PGS1: variants seen among roughly 807,000 people sequenced by gnomAD.
PGS1 encodes the protein phosphatidylglycerophosphate synthase 1, also known as CDP-diacylglycerol--glycerol-3-phosphate 3-phosphatidyltransferase, mitochondrial.
A neutral mutation model predicts 58.3 loss-of-function variants in PGS1; 44 were observed. The ratio of observed to expected loss-of-function variants is 0.75; its 90% CI spans 0.59 to 0.97. PGS1 has a LOEUF of 0.97. PGS1 is among the 50% of genes least tolerant of loss of function. The probability of loss-of-function intolerance (pLI) is 0.00; values close to 1 mark genes in which losing one functional copy is unlikely to be tolerated. For synonymous variants in PGS1, 330 were observed against 311.0 expected (o/e 1.06, Z -0.64); for missense variants, 684 against 731.1 (o/e 0.94, Z 0.74).
chr17:78,403,574 G>C lies in PGS1; in HGVS notation c.887G>C (p.Arg296Pro), dbSNP rs202093876. The change falls in exon 7 of 10, where the codon CGG becomes CCG. Residue 296 changes from arginine to proline, a missense_variant. Transcript: ENST00000262764. ...TCTTTCACGTCTTCCCCAGGGGACC[G>C]GGCCGAGTACTGCAAGGCAGCCAAT... ...DGMVHPYKGDRAEYCKAANKR... is the reference protein window; with the variant it reads ...DGMVHPYKGDPAEYCKAANKR... 3.1e-6 allele frequency: 5 copies of C among 1,609,014 alleles called. No homozygotes were observed. Among genetic ancestry groups the C allele is most frequent in the Middle Eastern group, 3.3e-4 (2 of 6,068 alleles).
chr17:78,378,670 C>A lies in PGS1; in HGVS notation c.5C>A (p.Ala2Glu), dbSNP rs1025214235. 2 of 1,533,330 alleles carry A rather than the reference C, an allele frequency of 1.3e-6. No homozygotes were observed. The highest frequency in any genetic ancestry group is 2.6e-5 in the East Asian group (1 of 38,186). The allele number at this position is 1,533,330 out of a possible 1,614,324, so 95.0% of individuals were successfully genotyped here. Reference sequence around the variant, plus strand: ...AAGCGGAAGCGGCGAGTCTCCATGGCGGTGGCGGCGGCAGCTGCGGCGGGA... The same window carrying A: ...AAGCGGAAGCGGCGAGTCTCCATGGAGGTGGCGGCGGCAGCTGCGGCGGGA... MAVAAAAAAGPV... is the reference protein window; with the variant it reads MEVAAAAAAGPV... The change falls in exon 1 of 10, where the codon GCG becomes GAG. Residue 2 changes from alanine (A) to glutamate (E), a missense_variant. By Grantham distance (107) the Ala-to-Glu change is moderately radical. Coordinates refer to ENST00000262764, the MANE Select transcript of PGS1 (RefSeq NM_024419.5).
At position 78,380,482 on chromosome 17, in the gene PGS1, G is replaced by A. The variant is rs372565336; in HGVS notation, c.143+1674G>A. On this transcript the variant is annotated intron_variant, in intron 1 of 9. Coordinates refer to ENST00000262764, the MANE Select transcript of PGS1 (RefSeq NM_024419.5). The stretch of plus-strand genomic sequence containing the variant: ...GGATGGCGCTCTTGGAAACCTGCTA[G>A]GTTTCACGTTGGTGAACCCAGCAGG... Among the ~76,000 whole-genome samples the A allele has an allele frequency of 1.4e-3, 216 of 152,314 alleles. 2 individuals are homozygous for A. The highest frequency in any genetic ancestry group is 4.8e-3 in the African/African-American group (200 of 41,556).
chr17:78,410,089 T>C (rs4969145), intron 7 of PGS1, among the ~76,000 whole-genome samples: 90,061 of 151,828 alleles, frequency 0.59, 26,747 homozygotes, highest in Admixed American at 0.63. Flanking sequence ...CCAGTGTGGG[T>C]GAGACTCCGT....
chr17:78,387,786 G>A (rs1172061134), intron 1 of PGS1, among the ~76,000 whole-genome samples: 3 of 151,502 alleles, frequency 2.0e-5, no homozygotes, highest in African/African-American at 7.3e-5. Context: ...TTTCTAGAGA[G>A]GGGGTTTCTC....
chr17:78,402,423 T>C (rs1314090859), intron 6 of PGS1, among the ~76,000 whole-genome samples: 2 of 3,416 alleles, frequency 5.9e-4, no homozygotes, highest in African/African-American at 2.6e-3. Flanking sequence ...TATATATATA[T>C]ATATACACAC....
In PGS1 at chr17:78,419,686, T is replaced by C. The variant is rs372284038; in HGVS notation, c.*10+11T>C. ...TCTGAGGACAGACAGGTGCTGTCTCTAGCATCACCTCTCAGCACGATTTTC... is the reference window on the plus strand; with the variant it reads ...TCTGAGGACAGACAGGTGCTGTCTCCAGCATCACCTCTCAGCACGATTTTC... On this transcript the variant is annotated intron_variant, in intron 9 of 9. Transcript: ENST00000262764. 3.3e-5 allele frequency: 53 copies of C among 1,612,796 alleles called. No individual in the cohort carries two copies. The highest frequency in any genetic ancestry group is 5.0e-5 in the Admixed American group (3 of 59,966).
chr17:78,380,680 A>G (rs1018224714), intron 1 of PGS1, among the ~76,000 whole-genome samples: 14 of 152,226 alleles, frequency 9.2e-5, no homozygotes, highest in African/African-American at 3.4e-4. Context: ...CTTGAAGACA[A>G]GATTTAGGTG....
chr17:78,417,991 A>G (rs12150497), intron 8 of PGS1, among the ~76,000 whole-genome samples: 20,134 of 145,522 alleles, frequency 0.14, 1,520 homozygotes, highest in Middle Eastern at 0.2. Context: ...GTGCAGTGGC[A>G]CGATCTCGGC....
At chr17:78,417,002 T>A (rs776095694) in intron 8 of PGS1, among the ~76,000 whole-genome samples, 4 of 152,120 alleles carry the variant, frequency 2.6e-5, no homozygotes, top group Non-Finnish European at 5.9e-5. Flanking sequence ...TCATGTCACA[T>A]TGGGCACTGG....
intron 7 of PGS1, among the ~76,000 whole-genome samples, 169 bp from the exon 8 acceptor site, chr17:78,414,710 G>A (rs542776457): frequency 3.7e-4 from 57 of 152,304 alleles, no homozygotes; most frequent in African/African-American, 1.2e-3. Flanking sequence ...GCGCCGGGGT[G>A]GGGGTGGAAG....
intron 7 of PGS1, 68 bp downstream of exon 7, chr17:78,404,157 G>T (rs2083917611): frequency 7.0e-7 from 1 of 1,434,028 alleles, no homozygotes; most frequent in Non-Finnish European, 9.2e-7. Context: ...GGGGTGGGGA[G>T]CCCTGGCGCC....
chr17:78,411,759 TC>T (rs1310950622), intron 7 of PGS1, among the ~76,000 whole-genome samples: 2 of 152,114 alleles, frequency 1.3e-5, no homozygotes, highest in African/African-American at 4.8e-5. Flanking sequence ...GAAACAGATT[TC>T]CCGACAGCGA....
intron 3 of PGS1, 46 bp from the exon 4 acceptor site, chr17:78,398,206 C>T: frequency 7.4e-7 from 1 of 1,343,934 alleles, no homozygotes; most frequent in Non-Finnish European, 1.1e-6. Flanking sequence ...TAAATACACA[C>T]ACCTCTTTGG....
intron 1 of PGS1, among the ~76,000 whole-genome samples, chr17:78,387,540 A>T (rs193166918): frequency 7.0e-6 from 1 of 142,592 alleles, no homozygotes; most frequent in African/African-American, 2.7e-5. Context: ...CTCAGGTGAT[A>T]TGCCCGCCTT....
At position 78,403,932 on chromosome 17, in the gene PGS1, G is replaced by A. The variant is rs751218331; in HGVS notation, c.1245G>A (p.Val415=). ...AGATCCTGCTGGCCTCACCAGAGGTGAATGGCTTCTTTGGGGCCAAGGGGG... is the reference window on the plus strand; with the variant it reads ...AGATCCTGCTGGCCTCACCAGAGGTAAATGGCTTCTTTGGGGCCAAGGGGG... ...EYQILLASPE[V]NGFFGAKGVA... The change falls in exon 7 of 10, where the codon GTG becomes GTA. Residue 415 remains valine (V), a synonymous_variant. Transcript: ENST00000262764. 2 of 1,614,226 alleles carry A rather than the reference G, an allele frequency of 1.2e-6. No individual in the cohort carries two copies. Among genetic ancestry groups the A allele is most frequent in the Admixed American group, 1.7e-5 (1 of 60,022 alleles).
chr17:78,408,561 G>A (rs562117616), intron 7 of PGS1, among the ~76,000 whole-genome samples: 2 of 152,236 alleles, frequency 1.3e-5, no homozygotes, highest in African/African-American at 4.8e-5. Flanking sequence ...GAGGGCTGCT[G>A]CGCGTCCCTG....
At chr17:78,385,180 G>A (rs55972203) in intron 1 of PGS1, among the ~76,000 whole-genome samples, 5,556 of 152,144 alleles carry the variant, frequency 0.037, 246 homozygotes, top group East Asian at 0.24. Flanking sequence ...GTGCAGTGGC[G>A]CAATCTCGGC....
intron 8 of PGS1, among the ~76,000 whole-genome samples, chr17:78,417,574 C>A (rs541315168): frequency 6.6e-6 from 1 of 152,180 alleles, no homozygotes; most frequent in African/African-American, 2.4e-5. Flanking sequence ...CTTCCTGACC[C>A]CCCGGGGCAG....
At chr17:78,384,431 T>A (rs1176236144) in intron 1 of PGS1, among the ~76,000 whole-genome samples, 1 of 152,204 alleles carries the variant, frequency 6.6e-6, no homozygotes, top group East Asian at 1.9e-4. Context: ...TTTTTTACAT[T>A]TAAATATCTG....
Sources: gnomAD v4.1 joint callset for allele counts (sites outside exome capture counted in the v4.1 genomes callset) on GRCh38, gnomAD v4.1.1 for gene constraint, MANE v1.5 for transcripts, NCBI Gene and HGNC (gene_info 2026-07-23, HGNC 2026-07-21) for gene names.